TIMP3: variants seen among roughly 807,000 people sequenced by gnomAD.
TIMP3 encodes TIMP metallopeptidase inhibitor 3.
In TIMP3, 11 loss-of-function variants were observed where a neutral mutation model predicts 30.0. The observed-to-expected ratio is 0.37, with a 90% CI of 0.23 to 0.61. The LOEUF is 0.61. Ranked by LOEUF, TIMP3 falls within the 20% of genes least tolerant of loss-of-function variation. TIMP3 has a pLI of 0.70. For missense variants in TIMP3, 181 were observed against 276.8 expected, an observed-to-expected ratio of 0.65 and a Z score of 2.45; for synonymous variants, 112 against 111.3, an observed-to-expected ratio of 1.01 and a Z score of -0.04.
chr22:32,827,866 C>A (rs2047458130), intron 1 of TIMP3, among the ~76,000 whole-genome samples: 2 of 152,192 alleles, frequency 1.3e-5, no homozygotes, highest in Admixed American at 1.3e-4. Flanking sequence ...TCCAGGAACA[C>A]CTCATCCCCC....
intron 1 of TIMP3, among the ~76,000 whole-genome samples, chr22:32,808,467 C>G (rs1267067570): frequency 6.6e-6 from 1 of 152,164 alleles, no homozygotes; most frequent in Non-Finnish European, 1.5e-5. Flanking sequence ...ATTATGGGAG[C>G]TAGAAGGCCT....
At chr22:32,806,372 T>G (rs1392112112) in intron 1 of TIMP3, among the ~76,000 whole-genome samples, 1 of 152,216 alleles carries the variant, frequency 6.6e-6, no homozygotes, top group Non-Finnish European at 1.5e-5. Flanking sequence ...CACTGCTGAA[T>G]GGCACATTCC....
intron 2 of TIMP3, among the ~76,000 whole-genome samples, chr22:32,851,143 G>T (rs571410384): frequency 1.3e-3 from 193 of 152,212 alleles, no homozygotes; most frequent in Non-Finnish European, 4.3e-4. Flanking sequence ...CAACAACAAC[G>T]CAAAAAGCCC....
chr22:32,835,645 T>C (rs545221675), intron 1 of TIMP3, among the ~76,000 whole-genome samples: 5 of 152,310 alleles, frequency 3.3e-5, no homozygotes, highest in African/African-American at 1.2e-4. Context: ...GGGCTGCCGA[T>C]CAGATGTCTA....
At chr22:32,821,388 C>T (rs758218579) in intron 1 of TIMP3, among the ~76,000 whole-genome samples, 4 of 152,162 alleles carry the variant, frequency 2.6e-5, no homozygotes, top group African/African-American at 4.8e-5. Flanking sequence ...TTCTGCTAAC[C>T]GCTAAGGTGT....
At chr22:32,858,248 T>C (rs777797839) in intron 4 of TIMP3, 110 bp downstream of exon 4, 169 of 1,503,636 alleles carry the variant, frequency 1.1e-4, no homozygotes, top group Non-Finnish European at 1.3e-4. Context: ...AGGGTATGCA[T>C]GTGTTAGGCC....
At chr22:32,826,706 TA>T (rs1175054436) in intron 1 of TIMP3, among the ~76,000 whole-genome samples, 1 of 152,218 alleles carries the variant, frequency 6.6e-6, no homozygotes, top group Non-Finnish European at 1.5e-5. Flanking sequence ...TGAGCTGGAA[TA>T]AAATGTACTA....
rs151326228 is a variant in TIMP3 at position 32,810,441 on chromosome 22, G to C, written c.121+8319G>C. 6.6e-5 allele frequency among the ~76,000 whole-genome samples: 10 copies of C among 151,908 alleles called. No homozygotes were observed. The East Asian group carries it at 1.8e-3, about 27-fold the overall frequency. On this transcript the variant is annotated intron_variant, in intron 1 of 4. Coordinates refer to ENST00000266085, the MANE Select transcript of TIMP3 (RefSeq NM_000362.5). Reference sequence around the variant, plus strand: ...CCTGGCTTTTTGTGGGGGTGGGGAAGGGAAGGAAAGCTGTACGATCTGGCC... The same window carrying C: ...CCTGGCTTTTTGTGGGGGTGGGGAACGGAAGGAAAGCTGTACGATCTGGCC...
intron 1 of TIMP3, among the ~76,000 whole-genome samples, chr22:32,839,832 C>A (rs937476309): frequency 3.9e-5 from 6 of 152,248 alleles, no homozygotes; most frequent in Admixed American, 1.3e-4. Flanking sequence ...TTCCAGGAAG[C>A]CTGACCTTCC....
chr22:32,809,412 C>A (rs1195087537), intron 1 of TIMP3, among the ~76,000 whole-genome samples: 4 of 152,200 alleles, frequency 2.6e-5, no homozygotes, highest in Non-Finnish European at 5.9e-5. Flanking sequence ...GCCTTCCCTG[C>A]TGCCCCCAAA....
chr22:32,837,240 A>G lies in TIMP3; in HGVS notation c.122-12212A>G, dbSNP rs1200872963. Reference sequence around the variant, plus strand: ...TTCAAAGGGGCTGTGGTTGAAGACCATGCTGCTATTCTGGTGGCCACTTGT... The same window carrying G: ...TTCAAAGGGGCTGTGGTTGAAGACCGTGCTGCTATTCTGGTGGCCACTTGT... On this transcript the variant is annotated intron_variant, in intron 1 of 4. Transcript: ENST00000266085. The surrounding 1 kb of genome is among the most constrained non-coding windows in gnomAD (Gnocchi z 4.1). 1.3e-5 allele frequency among the ~76,000 whole-genome samples: 2 copies of G among 152,220 alleles called. No individual in the cohort carries two copies. The highest frequency in any genetic ancestry group is 1.5e-5 in the Non-Finnish European group (1 of 68,038).
rs2047020511 is a variant in TIMP3, at chr22:32,814,324, A to AAAGAAAGAAAGAAAGGAAGAAAGG, written c.121+12217_121+12218insGAAGAAAGGAAGAAAGAAAGAAAG. 1.0e-3 allele frequency among the ~76,000 whole-genome samples: 66 copies of AAAGAAAGAAAGAAAGGAAGAAAGG among 65,974 alleles called. 1 individual carries two copies. Among genetic ancestry groups the AAAGAAAGAAAGAAAGGAAGAAAGG allele is most frequent in the East Asian group, 4.5e-3 (9 of 2,016 alleles). The allele number at this position is 65,974 out of a possible 152,430, so 43.3% of individuals were successfully genotyped here. A position where few individuals can be genotyped will look rare whatever the true frequency, so the allele number is the denominator to read the frequency against. On this transcript the variant is annotated intron_variant, in intron 1 of 4. Transcript: ENST00000266085. ...AGGAGAGAGAGAGAGAGACAGAAAG[A>AAAGAAAGAAAGAAAGGAAGAAAGG]AAGAAAGAAAGAAAGAGAAAGAAAG...
At chr22:32,805,197 C>T (rs1242345179) in intron 1 of TIMP3, among the ~76,000 whole-genome samples, 2 of 152,154 alleles carry the variant, frequency 1.3e-5, no homozygotes, top group Non-Finnish European at 2.9e-5. Flanking sequence ...TGTTCGGGGC[C>T]TGCCTCTGAG....
chr22:32,823,025 C>T (rs553331486), intron 1 of TIMP3, among the ~76,000 whole-genome samples: 24 of 152,256 alleles, frequency 1.6e-4, no homozygotes, highest in African/African-American at 3.6e-4. Context: ...AGTTACTCTG[C>T]GCTGTGGGAT....
At chr22:32,822,037 C>T (rs547956068) in intron 1 of TIMP3, among the ~76,000 whole-genome samples, 2 of 152,092 alleles carry the variant, frequency 1.3e-5, no homozygotes, top group African/African-American at 4.8e-5. Flanking sequence ...TGCCTGTAAT[C>T]CCAGCTACTC....
intron 1 of TIMP3, among the ~76,000 whole-genome samples, chr22:32,847,085 C>A (rs562282661): frequency 7.9e-5 from 12 of 152,274 alleles, no homozygotes; most frequent in African/African-American, 2.9e-4. Flanking sequence ...CCTCCCACAC[C>A]CCCCGGCCAA....
At chr22:32,835,382 T>C (rs1022913088) in intron 1 of TIMP3, among the ~76,000 whole-genome samples, 6 of 152,194 alleles carry the variant, frequency 3.9e-5, no homozygotes, top group African/African-American at 1.4e-4. Context: ...GGATGAGACA[T>C]GATTCAAATG....
In TIMP3 at chr22:32,820,268, G is replaced by A. The variant is rs542115808; in HGVS notation, c.121+18146G>A. On this transcript the variant is annotated intron_variant, in intron 1 of 4. Transcript: ENST00000266085. The stretch of plus-strand genomic sequence containing the variant: ...TGTGTGTGTGTGTGTGTGTGCGTGC[G>A]CGTGTGTGTGTGTGTGTGTGGTGTG... 3.8e-4 allele frequency among the ~76,000 whole-genome samples: 56 copies of A among 146,952 alleles called. No individual in the cohort carries two copies. The East Asian group carries it at 6.5e-3, about 17-fold the overall frequency.
chr22:32,810,287 G>A (rs2046882294), intron 1 of TIMP3, among the ~76,000 whole-genome samples: 1 of 152,176 alleles, frequency 6.6e-6, no homozygotes, highest in African/African-American at 2.4e-5. Context: ...TGGCTTTGCT[G>A]TCACAGAAGG....
Sources: gnomAD v4.1 joint callset for allele counts (sites outside exome capture counted in the v4.1 genomes callset) on GRCh38, gnomAD v4.1.1 for gene constraint, Gnocchi (gnomAD v3.1) non-coding constraint, MANE v1.5 for transcripts, NCBI Gene and HGNC (gene_info 2026-07-23, HGNC 2026-07-21) for gene names.